Variants in CLDN10 observed in about 807,000 individuals in gnomAD.
The protein encoded by CLDN10 is claudin-10.
Under a neutral mutation model 22.9 loss-of-function variants are expected in CLDN10, and 15 were observed. The observed-to-expected ratio is 0.65, with a 90% CI of 0.44 to 1.01. The LOEUF is 1.01. Ranked by LOEUF, CLDN10 falls within the 50% of genes least tolerant of loss-of-function variation. The pLI is 0.00. For synonymous variants in CLDN10, 114 were observed against 111.4 expected, an observed-to-expected ratio of 1.02 and a Z score of -0.15; for missense variants, 247 against 287.8, an observed-to-expected ratio of 0.86 and a Z score of 1.03.
intron 3 of CLDN10, among the ~76,000 whole-genome samples, chr13:95,564,714 A>T (rs1415288565): frequency 1.3e-5 from 2 of 152,222 alleles, no homozygotes; most frequent in Non-Finnish European, 2.9e-5. Flanking sequence ...AGTTCCCTAT[A>T]CATTCCTGCT....
chr13:95,436,297 C>A (rs1566644139), intron 1 of CLDN10, among the ~76,000 whole-genome samples: 1 of 152,156 alleles, frequency 6.6e-6, no homozygotes, highest in African/African-American at 2.4e-5. Flanking sequence ...GATCCTCCCA[C>A]CTCAGCCTCC....
At chr13:95,525,203 G>A (rs1002709086) in intron 1 of CLDN10, among the ~76,000 whole-genome samples, 1 of 152,030 alleles carries the variant, frequency 6.6e-6, no homozygotes. Context: ...TGTTTGAAAT[G>A]GTAACTCATT....
chr13:95,490,444 C>A (rs934430870), intron 1 of CLDN10, among the ~76,000 whole-genome samples: 6 of 152,026 alleles, frequency 3.9e-5, no homozygotes, highest in Non-Finnish European at 5.9e-5. Context: ...CTCTGTATCC[C>A]AGGGGTTTTG....
chr13:95,578,306 T>C lies in CLDN10; in HGVS notation c.*292T>C, dbSNP rs991489931. The C allele has an allele frequency of 1.9e-5, 4 of 210,712 alleles. No homozygotes were observed. Among genetic ancestry groups the C allele is most frequent in the Non-Finnish European group, 3.8e-5 (4 of 105,472 alleles). The allele number at this position is 210,712 out of a possible 1,614,324, so 13.1% of individuals were successfully genotyped here. A position where few individuals can be genotyped will look rare whatever the true frequency, so the allele number is the denominator to read the frequency against. On this transcript the variant is annotated 3_prime_UTR_variant, in exon 5 of 5. Coordinates refer to ENST00000299339, the MANE Select transcript of CLDN10 (RefSeq NM_006984.5). ...TTTAGTACCAAAGGTTCAAGAAGTA[T>C]TCGTACTCTAGCCTTTTTAATCATT...
chr13:95,517,643 T>C (rs1330070857), intron 1 of CLDN10, among the ~76,000 whole-genome samples: 1 of 152,118 alleles, frequency 6.6e-6, no homozygotes, highest in Non-Finnish European at 1.5e-5. Flanking sequence ...TCTTACCAAT[T>C]GAGAGACTGA....
chr13:95,490,459 G>A (rs1318764438), intron 1 of CLDN10, among the ~76,000 whole-genome samples: 19 of 152,006 alleles, frequency 1.2e-4, no homozygotes, highest in Admixed American at 6.6e-5. Context: ...GTTTTGATAG[G>A]CTGTGTCATT....
At chr13:95,567,700 AG>A (rs1309297448) in intron 3 of CLDN10, among the ~76,000 whole-genome samples, 2 of 152,146 alleles carry the variant, frequency 1.3e-5, no homozygotes, top group Non-Finnish European at 2.9e-5. Context: ...GTCTTGTGCC[AG>A]TTTTCAAAGG....
intron 1 of CLDN10, among the ~76,000 whole-genome samples, chr13:95,438,975 CAAAAAAAAAA>C (rs397851895): frequency 1.9e-4 from 12 of 62,228 alleles, no homozygotes; most frequent in Admixed American, 6.6e-4. Flanking sequence ...GACTCCATCG[CAAAAAAAAAA>C]AAAAAAAAAA....
chr13:95,506,946 C>T (rs997049461), intron 1 of CLDN10, among the ~76,000 whole-genome samples: 7 of 152,050 alleles, frequency 4.6e-5, no homozygotes, highest in East Asian at 3.9e-4. Flanking sequence ...GAATTGGGGC[C>T]GGGCTGAACA....
chr13:95,483,950 AG>A (rs1443842533), intron 1 of CLDN10, among the ~76,000 whole-genome samples: 1 of 152,152 alleles, frequency 6.6e-6, no homozygotes, highest in Admixed American at 6.6e-5. Context: ...CCCTTATAGA[AG>A]ACACCCCAGA....
chr13:95,507,299 A>G (rs2043048283), intron 1 of CLDN10, among the ~76,000 whole-genome samples: 1 of 152,036 alleles, frequency 6.6e-6, no homozygotes, highest in African/African-American at 2.4e-5. Flanking sequence ...TTCTACATCT[A>G]TAAAGAATAT....
At chr13:95,434,002 G>T (rs779656350) in exon 1 of CLDN10, 4 of 1,614,072 alleles carry the variant, frequency 2.5e-6, no homozygotes, top group Non-Finnish European at 3.4e-6. Context: ...TAACGCGTTG[G>T]GTTCTTTCCA....
chr13:95,525,681 C>T (rs140143228), intron 1 of CLDN10, among the ~76,000 whole-genome samples: 1 of 151,790 alleles, frequency 6.6e-6, no homozygotes, highest in African/African-American at 2.4e-5. Context: ...TAGTAGAGAC[C>T]AGGTTTTGCC....
chr13:95,552,715 A>C (rs2043580648), upstream of CLDN10: 5 of 1,578,376 alleles, frequency 3.2e-6, no homozygotes, highest in Non-Finnish European at 3.4e-6. Flanking sequence ...CGCGGCGCAG[A>C]GTGGGAGCCG....
chr13:95,543,966 T>A (rs9525020), intron 1 of CLDN10, among the ~76,000 whole-genome samples: 5 of 152,106 alleles, frequency 3.3e-5, no homozygotes, highest in South Asian at 2.1e-4. Flanking sequence ...AAGATTATAC[T>A]CAAAAGAGCA....
At chr13:95,509,934 G>C (rs1179903566) in intron 1 of CLDN10, among the ~76,000 whole-genome samples, 1 of 152,200 alleles carries the variant, frequency 6.6e-6, no homozygotes, top group Non-Finnish European at 1.5e-5. Flanking sequence ...CATTTAAAAG[G>C]TGGTGGGTAG....
intron 1 of CLDN10, among the ~76,000 whole-genome samples, chr13:95,464,224 G>A (rs912979959): frequency 3.3e-5 from 5 of 151,906 alleles, no homozygotes; most frequent in Non-Finnish European, 5.9e-5. Context: ...TTTACATTAG[G>A]TTTATCTCCT....
chr13:95,467,554 G>A (rs1206619212), intron 1 of CLDN10, among the ~76,000 whole-genome samples: 1 of 151,780 alleles, frequency 6.6e-6, no homozygotes, highest in African/African-American at 2.4e-5. Context: ...ATTTGTTGAT[G>A]AGTAATACTT....
At chr13:95,449,033 C>G (rs2042408347) in intron 1 of CLDN10, among the ~76,000 whole-genome samples, 1 of 152,028 alleles carries the variant, frequency 6.6e-6, no homozygotes, top group Non-Finnish European at 1.5e-5. Context: ...ACCACCGTGC[C>G]CCGTTCCACT....
Sources: allele counts gnomAD v4.1 joint callset (sites outside exome capture counted in the v4.1 genomes callset), GRCh38; gene constraint gnomAD v4.1.1; transcripts MANE v1.5; gene names NCBI Gene and HGNC (gene_info 2026-07-23, HGNC 2026-07-21).